Variants in STXBP5L observed in about 807,000 individuals in gnomAD.
The protein encoded by STXBP5L is syntaxin binding protein 5L.
Under a neutral mutation model 144.5 loss-of-function variants are expected in STXBP5L, and 65 were observed. The ratio of observed to expected loss-of-function variants is 0.45; its 90% CI spans 0.37 to 0.55. The LOEUF is 0.55. STXBP5L is among the 20% of genes least tolerant of loss of function. STXBP5L has a pLI of 0.00. For synonymous variants in STXBP5L, 505 were observed against 469.6 expected, an observed-to-expected ratio of 1.08 and a Z score of -0.97; for missense variants, 1,298 against 1,405.5, an observed-to-expected ratio of 0.92 and a Z score of 1.22.
chr3:120,986,728 C>A, intron 3 of STXBP5L, among the ~76,000 whole-genome samples: 1 of 151,186 alleles, frequency 6.6e-6, no homozygotes, highest in Non-Finnish European at 1.5e-5. Context: ...GATGTATAAG[C>A]AAAATGGAAA....
chr3:121,203,828 A>G (rs2048231041), intron 9 of STXBP5L, among the ~76,000 whole-genome samples: 1 of 152,204 alleles, frequency 6.6e-6, no homozygotes, highest in Non-Finnish European at 1.5e-5. Context: ...GATGGAAAAG[A>G]CATATAAACT....
chr3:120,966,132 G>A (rs1939541860), intron 3 of STXBP5L, among the ~76,000 whole-genome samples: 3 of 152,074 alleles, frequency 2.0e-5, no homozygotes, highest in Admixed American at 2.0e-4. Context: ...GCTCCATCAG[G>A]TCATTTAAGG....
intron 3 of STXBP5L, among the ~76,000 whole-genome samples, chr3:120,983,137 C>T (rs1168938289): frequency 2.0e-5 from 3 of 152,200 alleles, no homozygotes; most frequent in Non-Finnish European, 2.9e-5. Context: ...GCCTGACCTG[C>T]CTGCTTCTTT....
At chr3:121,353,429 G>C (rs1339515300) in intron 20 of STXBP5L, among the ~76,000 whole-genome samples, 1 of 152,112 alleles carries the variant, frequency 6.6e-6, no homozygotes, top group Non-Finnish European at 1.5e-5. Flanking sequence ...GTGTGTCCAG[G>C]ATTTTATCCA....
At chr3:121,162,608 G>A (rs1049018527) in intron 9 of STXBP5L, among the ~76,000 whole-genome samples, 1 of 152,124 alleles carries the variant, frequency 6.6e-6, no homozygotes, top group Non-Finnish European at 1.5e-5. Flanking sequence ...CAAAGCAAAA[G>A]AAACTGCCAT....
At position 121,115,187 on chromosome 3, in the gene STXBP5L, G is replaced by C. The variant is rs2044180024; in HGVS notation, c.605+128G>C. 8 of 931,800 alleles carry C rather than the reference G, an allele frequency of 8.6e-6. No homozygotes were observed. The African/African-American group carries it at 1.2e-4, about 14-fold the overall frequency. 57.7% of individuals were successfully genotyped at this position (931,800 alleles called of 1,614,324 possible). A position where few individuals can be genotyped will look rare whatever the true frequency, so the allele number is the denominator to read the frequency against. ...ATAATGAATTTGAGTGAAAAGTTCA[G>C]TAAAATAACTTAAAGCCATAAAAGC... On this transcript the variant is annotated intron_variant, in intron 6 of 26. Transcript: ENST00000471454.
chr3:121,343,935 C>G (rs1408334388), intron 20 of STXBP5L, among the ~76,000 whole-genome samples: 2 of 147,106 alleles, frequency 1.4e-5, no homozygotes, highest in African/African-American at 4.9e-5. Context: ...GAGCCTGCAT[C>G]ACCAAGTCAA....
chr3:121,187,063 G>A (rs1298528459), intron 9 of STXBP5L, among the ~76,000 whole-genome samples: 1 of 152,016 alleles, frequency 6.6e-6, no homozygotes, highest in Non-Finnish European at 1.5e-5. Context: ...CCCATTACTG[G>A]GTATATACCC....
intron 7 of STXBP5L, among the ~76,000 whole-genome samples, chr3:121,137,154 T>A (rs1332106378): frequency 6.6e-6 from 1 of 152,102 alleles, no homozygotes; most frequent in Non-Finnish European, 1.5e-5. Flanking sequence ...GTGACAAAAC[T>A]ATTTGTACAC....
intron 3 of STXBP5L, among the ~76,000 whole-genome samples, chr3:121,029,616 C>T (rs537964909): frequency 2.0e-5 from 3 of 152,106 alleles, no homozygotes; most frequent in African/African-American, 7.2e-5. Flanking sequence ...AGGACATAGG[C>T]ATGGGCAAAG....
intron 5 of STXBP5L, among the ~76,000 whole-genome samples, chr3:121,085,044 C>T (rs2042424218): frequency 6.6e-6 from 1 of 151,966 alleles, no homozygotes; most frequent in Non-Finnish European, 1.5e-5. Flanking sequence ...ATGTTCTTTG[C>T]CCACTGTTTG....
Position 121,223,113 on chromosome 3 carries a change from C to G in STXBP5L, c.1067C>G (p.Pro356Arg), listed in dbSNP as rs1184196727. The G allele has an allele frequency of 3.1e-6, 5 of 1,610,730 alleles. No individual in the cohort carries two copies. Among genetic ancestry groups the G allele is most frequent in the Non-Finnish European group, 4.2e-6 (5 of 1,178,902 alleles). Reference protein sequence around the residue: ...KAITVLEMDHPIVEFLTLCET... With the variant: ...KAITVLEMDHRIVEFLTLCET... ...ATTACAGTACTTGAAATGGATCATC[C>G]TATTGTTGAATTTCTAACTTTATGT... Residue 356 changes from proline to arginine, a missense_variant, in exon 11 of 27, where the codon CCT (proline) becomes CGT (arginine). Physicochemically the swap from Pro to Arg is moderately radical, Grantham distance 103. Transcript: ENST00000471454.
At chr3:121,183,339 G>A (rs1040231501) in intron 9 of STXBP5L, among the ~76,000 whole-genome samples, 3 of 152,194 alleles carry the variant, frequency 2.0e-5, no homozygotes, top group Non-Finnish European at 4.4e-5. Context: ...AATTGGAAAA[G>A]AGGAACTCAA....
intron 2 of STXBP5L, among the ~76,000 whole-genome samples, chr3:120,920,057 A>AAGAACCTGGAAAATGTCTGAAAT (rs1339691850): frequency 6.6e-6 from 1 of 151,870 alleles, no homozygotes; most frequent in Non-Finnish European, 1.5e-5. Context: ...TCTAAAATAA[A>AAGAACCTGGAAAATGTCTGAAAT]AGAACCTGGA....
intron 2 of STXBP5L, among the ~76,000 whole-genome samples, chr3:120,953,643 T>A (rs1420407104): frequency 6.6e-6 from 1 of 151,880 alleles, no homozygotes; most frequent in Non-Finnish European, 1.5e-5. Flanking sequence ...TAGCCCACAA[T>A]TGAGTTTTTT....
chr3:121,149,523 G>GA (rs896914650), intron 7 of STXBP5L, among the ~76,000 whole-genome samples: 2 of 151,562 alleles, frequency 1.3e-5, no homozygotes, highest in South Asian at 2.1e-4. Flanking sequence ...ATAAAAATTA[G>GA]AAAAAAATAA....
At chr3:120,960,498 T>G (rs1938641829) in intron 3 of STXBP5L, among the ~76,000 whole-genome samples, 1 of 152,150 alleles carries the variant, frequency 6.6e-6, no homozygotes, top group Non-Finnish European at 1.5e-5. Context: ...AGCAAAGACT[T>G]GGAACCAACC....
At chr3:121,314,391 A>G (rs1016333795) in intron 19 of STXBP5L, among the ~76,000 whole-genome samples, 2 of 131,720 alleles carry the variant, frequency 1.5e-5, no homozygotes, top group Non-Finnish European at 3.2e-5. Context: ...TAGGAGCTGG[A>G]GACCAGCCCG....
rs548128533 is a variant in STXBP5L, at chr3:121,079,015, G to A, written c.470+33480G>A. 1.9e-3 allele frequency among the ~76,000 whole-genome samples: 293 copies of A among 152,370 alleles called. 1 individual carries two copies. Among genetic ancestry groups the A allele is most frequent in the Non-Finnish European group, 2.1e-3 (144 of 68,036 alleles). ...AAAGGGGCTCCCACAGTGCAGCGGTGGGCTGAAGTGCTCCTCAAGTGCCAC... is the reference window on the plus strand; with the variant it reads ...AAAGGGGCTCCCACAGTGCAGCGGTAGGCTGAAGTGCTCCTCAAGTGCCAC... On this transcript the variant is annotated intron_variant, in intron 5 of 26. Transcript: ENST00000471454.
Sources: allele counts gnomAD v4.1 joint callset (sites outside exome capture counted in the v4.1 genomes callset), GRCh38; gene constraint gnomAD v4.1.1; transcripts MANE v1.5; gene names NCBI Gene and HGNC (gene_info 2026-07-23, HGNC 2026-07-21).